ZFPM2: variants seen among roughly 807,000 people sequenced by gnomAD.
ZFPM2 encodes zinc finger protein ZFPM2.
In ZFPM2, 20 loss-of-function variants were observed where a neutral mutation model predicts 98.6. That is an observed-to-expected ratio of 0.20 (90% CI 0.14 to 0.29). ZFPM2 has a LOEUF of 0.29. ZFPM2 is among the 10% of genes least tolerant of loss of function. The probability of loss-of-function intolerance (pLI) is 1.00; values close to 1 mark genes in which losing one functional copy is unlikely to be tolerated. For missense variants in ZFPM2, 1,310 were observed against 1,388.6 expected, an observed-to-expected ratio of 0.94 and a Z score of 0.90; for synonymous variants, 518 against 502.7, an observed-to-expected ratio of 1.03 and a Z score of -0.41.
At position 105,338,014 on chromosome 8, in the gene ZFPM2, A is replaced by G. The variant is rs1174604202; in HGVS notation, c.40+19033A>G. Among the ~76,000 whole-genome samples the G allele has an allele frequency of 2.0e-5, 3 of 151,784 alleles. No homozygotes were observed. In the East Asian group the frequency reaches 5.8e-4, roughly 29 times the overall value. Reference sequence around the variant, plus strand: ...TACATTCATTAGGATGACTCATGAAATATTTTCTGTACTTTGTTAAAAAGT... The same window carrying G: ...TACATTCATTAGGATGACTCATGAAGTATTTTCTGTACTTTGTTAAAAAGT... On this transcript the variant is annotated intron_variant, in intron 1 of 7. Coordinates refer to ENST00000407775, the MANE Select transcript of ZFPM2 (RefSeq NM_012082.4).
chr8:105,349,213 C>T (rs1337473686), intron 1 of ZFPM2, among the ~76,000 whole-genome samples: 1 of 152,048 alleles, frequency 6.6e-6, no homozygotes, highest in Non-Finnish European at 1.5e-5. Context: ...AGTCATGAAG[C>T]TATTCGGGCT....
chr8:105,739,406 T>C (rs2131030242), intron 5 of ZFPM2, among the ~76,000 whole-genome samples: 2 of 152,126 alleles, frequency 1.3e-5, no homozygotes, highest in Middle Eastern at 6.8e-3. Flanking sequence ...AGTACTTGGA[T>C]GATATGATTA....
chr8:105,561,375 T>A lies in ZFPM2; in HGVS notation c.314T>A (p.Val105Glu). The A allele has an allele frequency of 6.2e-7, 1 of 1,613,336 alleles. No homozygotes were observed. Among genetic ancestry groups the A allele is most frequent in the Non-Finnish European group, 8.5e-7 (1 of 1,179,574 alleles). Reference protein sequence around the residue: ...DDWDGPGELEVFQKDGERKIQ... With the variant: ...DDWDGPGELEEFQKDGERKIQ... ...CCTTTGTCTGCAGGAGAGCTGGAGGTGTTTCAGAAAGATGGGGAACGAAAA... is the reference window on the plus strand; with the variant it reads ...CCTTTGTCTGCAGGAGAGCTGGAGGAGTTTCAGAAAGATGGGGAACGAAAA... Residue 105 changes from valine to glutamate, a missense_variant, in exon 4 of 8, where the codon GTG becomes GAG. Transcript: ENST00000407775.
chr8:105,596,074 T>A (rs1445838818), intron 4 of ZFPM2, among the ~76,000 whole-genome samples: 1 of 151,096 alleles, frequency 6.6e-6, no homozygotes, highest in Non-Finnish European at 1.5e-5. Context: ...AAATAAAGTG[T>A]TTTGTTATTT....
intron 3 of ZFPM2, among the ~76,000 whole-genome samples, chr8:105,509,489 A>G (rs968826992): frequency 2.6e-5 from 4 of 152,150 alleles, no homozygotes; most frequent in East Asian, 1.9e-4. Context: ...GTTTTTTTGC[A>G]TTTTAAAAAA....
intron 5 of ZFPM2, among the ~76,000 whole-genome samples, chr8:105,731,791 C>T (rs986933267): frequency 6.6e-6 from 1 of 151,636 alleles, no homozygotes; most frequent in Admixed American, 6.6e-5. Flanking sequence ...CATGTTTGTA[C>T]CATGATGACA....
chr8:105,473,574 A>G (rs1192109984), intron 3 of ZFPM2, among the ~76,000 whole-genome samples: 3 of 152,188 alleles, frequency 2.0e-5, no homozygotes, highest in African/African-American at 4.8e-5. Context: ...AGAATCAGCT[A>G]TGCCACAGAA....
At chr8:105,441,452 G>GAGAGAA (rs758403420) in intron 2 of ZFPM2, among the ~76,000 whole-genome samples, 4 of 38,934 alleles carry the variant, frequency 1.0e-4, no homozygotes, top group Non-Finnish European at 1.7e-4. Context: ...GAGAGAGAGA[G>GAGAGAA]AGAAAGAAAG....
intron 3 of ZFPM2, among the ~76,000 whole-genome samples, chr8:105,448,008 T>G (rs1812410284): frequency 6.6e-6 from 1 of 152,116 alleles, no homozygotes; most frequent in South Asian, 2.1e-4. Context: ...CATGTAAACA[T>G]TTCTATGGTG....
At chr8:105,516,880 A>G (rs1423425244) in intron 3 of ZFPM2, among the ~76,000 whole-genome samples, 1 of 152,222 alleles carries the variant, frequency 6.6e-6, no homozygotes, top group East Asian at 1.9e-4. Flanking sequence ...TTTCCAGGAA[A>G]AGAAAGTGAG....
In ZFPM2 at chr8:105,354,092, G is replaced by T. The variant is rs116612740; in HGVS notation, c.40+35111G>T. Among the ~76,000 whole-genome samples the T allele has an allele frequency of 6.2e-3, 938 of 152,282 alleles. 9 individuals are homozygous for T. The highest frequency in any genetic ancestry group is 0.021 in the African/African-American group (873 of 41,556). ...TCATGATAGCTTACTTAAGGAGGCT[G>T]CAAACCACTTAAGGATGCTAACTTT... On this transcript the variant is annotated intron_variant, in intron 1 of 7. Transcript: ENST00000407775.
chr8:105,528,218 A>G (rs894930898), intron 3 of ZFPM2, among the ~76,000 whole-genome samples: 5 of 152,112 alleles, frequency 3.3e-5, no homozygotes, highest in Non-Finnish European at 5.9e-5. Flanking sequence ...TGGGTGTTTC[A>G]GTTGATCTGG....
chr8:105,521,828 C>T (rs144261589), intron 3 of ZFPM2, among the ~76,000 whole-genome samples: 4,964 of 152,252 alleles, frequency 0.033, 213 homozygotes, highest in African/African-American at 0.097. Flanking sequence ...CCGCCCACCT[C>T]GGCCTCCCAA....
At chr8:105,339,923 G>T (rs147848564) in intron 1 of ZFPM2, among the ~76,000 whole-genome samples, 66 of 152,046 alleles carry the variant, frequency 4.3e-4, no homozygotes, top group African/African-American at 1.5e-3. Context: ...TATAAGAATT[G>T]ATGCCATAAA....
At chr8:105,485,727 A>G (rs772328434) in intron 3 of ZFPM2, among the ~76,000 whole-genome samples, 30 of 152,298 alleles carry the variant, frequency 2.0e-4, no homozygotes, top group Middle Eastern at 6.8e-3. Flanking sequence ...GCAAAGACAG[A>G]TAAGAGTAGC....
intron 3 of ZFPM2, among the ~76,000 whole-genome samples, chr8:105,480,055 T>A: frequency 6.6e-6 from 1 of 152,238 alleles, no homozygotes; most frequent in East Asian, 1.9e-4. Context: ...AGCTCAGTTA[T>A]TGCTGTGATA....
chr8:105,480,499 G>A (rs937801090), intron 3 of ZFPM2, among the ~76,000 whole-genome samples: 1 of 152,154 alleles, frequency 6.6e-6, no homozygotes, highest in African/African-American at 2.4e-5. Flanking sequence ...TAATGTGCAA[G>A]CAATTTCTAC....
Position 105,369,797 on chromosome 8 carries a change from T to C in ZFPM2, c.41-49347T>C, listed in dbSNP as rs113570503. On this transcript the variant is annotated intron_variant, in intron 1 of 7. Coordinates refer to ENST00000407775, the MANE Select transcript of ZFPM2 (RefSeq NM_012082.4). ...GAAAGGACCTATACTATGTAGTTTA[T>C]GTAAACTACTTCATTGTGTGCTTAT... Among the ~76,000 whole-genome samples, 55 of 152,288 alleles carry C rather than the reference T, an allele frequency of 3.6e-4. 1 individual carries two copies. Among genetic ancestry groups the C allele is most frequent in the African/African-American group, 1.3e-3 (55 of 41,580 alleles).
intron 3 of ZFPM2, among the ~76,000 whole-genome samples, chr8:105,464,787 T>A (rs932254015): frequency 6.6e-6 from 1 of 152,060 alleles, no homozygotes; most frequent in Non-Finnish European, 1.5e-5. Flanking sequence ...TTGGTCAGTC[T>A]GGGCAAACAA....
Sources: allele counts gnomAD v4.1 joint callset (sites outside exome capture counted in the v4.1 genomes callset), GRCh38; gene constraint gnomAD v4.1.1; transcripts MANE v1.5; gene names NCBI Gene and HGNC (gene_info 2026-07-23, HGNC 2026-07-21).